The following FAM184A variants were observed in gnomAD, a reference collection of about 807,000 sequenced individuals.
FAM184A encodes protein FAM184A.
Under a neutral mutation model 143.8 loss-of-function variants are expected in FAM184A, and 99 were observed. That is an observed-to-expected ratio of 0.69 (90% CI 0.58 to 0.81). FAM184A has a LOEUF of 0.81. Among genes scored for constraint, FAM184A ranks in the 40% least tolerant of loss-of-function variants. The pLI is 0.00. For missense variants in FAM184A, 1,217 were observed against 1,310.5 expected, an observed-to-expected ratio of 0.93 and a Z score of 1.10; for synonymous variants, 427 against 446.4, an observed-to-expected ratio of 0.96 and a Z score of 0.55.
At chr6:119,144,973 C>T (rs915764956) in intron 1 of FAM184A, among the ~76,000 whole-genome samples, 32 of 152,304 alleles carry the variant, frequency 2.1e-4, no homozygotes, top group African/African-American at 6.3e-4. Flanking sequence ...AACATCATCG[C>T]GTTATGTGAT....
chr6:119,037,039 A>G (rs1308183361), intron 1 of FAM184A, among the ~76,000 whole-genome samples: 4 of 152,236 alleles, frequency 2.6e-5, no homozygotes, highest in Non-Finnish European at 5.9e-5. Context: ...GGACACTGAG[A>G]GAATGAGTGC....
upstream of FAM184A, among the ~76,000 whole-genome samples, chr6:119,083,585 G>C (rs928981871): frequency 3.9e-5 from 6 of 152,098 alleles, no homozygotes; most frequent in African/African-American, 1.4e-4. Flanking sequence ...TAAGTTCAAA[G>C]TTCCACAGAT....
At chr6:119,062,419 G>A (rs960900870) in intron 1 of FAM184A, among the ~76,000 whole-genome samples, 3 of 152,090 alleles carry the variant, frequency 2.0e-5, no homozygotes, top group South Asian at 2.1e-4. Context: ...ATCTCAGCAC[G>A]TTGGGAGTCC....
intron 4 of FAM184A, among the ~76,000 whole-genome samples, chr6:119,017,700 T>C (rs906526194): frequency 2.0e-5 from 3 of 152,194 alleles, no homozygotes; most frequent in Non-Finnish European, 4.4e-5. Context: ...AAAAGGGATG[T>C]TGACACAGGT....
At chr6:118,980,676 CAACT>C (rs1373442416) in intron 9 of FAM184A, among the ~76,000 whole-genome samples, 3 of 152,088 alleles carry the variant, frequency 2.0e-5, no homozygotes, top group Non-Finnish European at 4.4e-5. Context: ...AAACAGAAGA[CAACT>C]AACATATTCA....
intron 1 of FAM184A, among the ~76,000 whole-genome samples, chr6:119,027,389 G>C (rs1785671364): frequency 6.6e-6 from 1 of 152,010 alleles, no homozygotes; most frequent in African/African-American, 2.4e-5. Context: ...ATACTTTTTG[G>C]TTTACATAAG....
intron 1 of FAM184A, among the ~76,000 whole-genome samples, chr6:119,034,035 T>TAGAG (rs1454004344): frequency 8.8e-5 from 3 of 34,274 alleles, no homozygotes; most frequent in African/African-American, 3.3e-4. Flanking sequence ...TATATATATA[T>TAGAG]ATATATAGAG....
At chr6:119,056,105 T>C (rs1786963652) in intron 1 of FAM184A, among the ~76,000 whole-genome samples, 1 of 152,102 alleles carries the variant, frequency 6.6e-6, no homozygotes, top group Non-Finnish European at 1.5e-5. Flanking sequence ...AAAAATAAGG[T>C]CTACATTGAT....
Position 119,011,409 on chromosome 6 carries a change from T to C in FAM184A, c.1553A>G (p.Lys518Arg), listed in dbSNP as rs1562472302. The change falls in exon 6 of 18, where the codon AAA becomes AGA. Residue 518 changes from lysine (K) to arginine (R), a missense_variant. Lys to Arg is a conservative substitution (Grantham distance 26). Transcript: ENST00000338891. ...ATCCTCTTCCAGGTTTAGTTTATCT[T>C]TGTTATGTTGTTCTTCCAAATCCTT... The part of the protein sequence containing the change: ...LQMDLEEQHN[K>R]DKLNLEEDKN... The C allele has an allele frequency of 5.8e-6, 9 of 1,555,784 alleles. No individual in the cohort carries two copies. Among genetic ancestry groups the C allele is most frequent in the Middle Eastern group, 1.7e-4 (1 of 5,928 alleles).
At chr6:119,046,473 C>T (rs1786539229) in intron 1 of FAM184A, among the ~76,000 whole-genome samples, 1 of 151,988 alleles carries the variant, frequency 6.6e-6, no homozygotes, top group South Asian at 2.1e-4. Context: ...GATCCACCTG[C>T]CTCGGCCTGA....
chr6:118,963,183 C>T (rs1223397895), intron 16 of FAM184A: 2 of 152,020 alleles, frequency 1.3e-5, no homozygotes, highest in Non-Finnish European at 2.9e-5. Flanking sequence ...TTATTCTAGT[C>T]ACCAGAGGGC....
chr6:119,023,883 C>A, intron 2 of FAM184A, 76 bp downstream of exon 2: 2 of 1,276,880 alleles, frequency 1.6e-6, no homozygotes, highest in Non-Finnish European at 2.1e-6. Context: ...GTGGGCCAGA[C>A]TGCTCTCCAG....
intron 16 of FAM184A, among the ~76,000 whole-genome samples, chr6:118,964,154 A>G (rs1783421371): frequency 1.3e-5 from 2 of 152,162 alleles, no homozygotes; most frequent in Non-Finnish European, 2.9e-5. Flanking sequence ...GTGAGACCCC[A>G]TCTCCAAAAC....
chr6:119,025,993 A>G (rs975557891), intron 1 of FAM184A, among the ~76,000 whole-genome samples: 2 of 152,180 alleles, frequency 1.3e-5, no homozygotes, highest in Admixed American at 1.3e-4. Context: ...CCCACTCGCT[A>G]AAGATAGGCT....
At chr6:119,123,384 A>G (rs1789279833) in intron 1 of FAM184A, among the ~76,000 whole-genome samples, 1 of 152,068 alleles carries the variant, frequency 6.6e-6, no homozygotes, top group Non-Finnish European at 1.5e-5. Context: ...GTGAGACTCC[A>G]TCTCAAAAAT....
At chr6:119,120,261 A>G (rs1789176905) in intron 1 of FAM184A, among the ~76,000 whole-genome samples, 1 of 152,238 alleles carries the variant, frequency 6.6e-6, no homozygotes, top group Admixed American at 6.5e-5. Flanking sequence ...AAGTGACATC[A>G]TACAATATAT....
chr6:118,961,878 T>C lies in FAM184A; in HGVS notation c.3224A>G (p.Asn1075Ser), dbSNP rs770240059. ...LSALESGGVG[N>S]GHPNRLDPIP... Reference sequence around the variant, plus strand: ...GGGATCCAGGCGGTTAGGATGTCCATTGCCCACTCCACCAGATTCCAGAGC... The same window carrying C: ...GGGATCCAGGCGGTTAGGATGTCCACTGCCCACTCCACCAGATTCCAGAGC... Residue 1075 changes from asparagine (N) to serine (S), a missense_variant, in exon 17 of 18, where the codon AAT becomes AGT. Physicochemically the swap from Asn to Ser is conservative, Grantham distance 46. Transcript: ENST00000338891. The C allele has an allele frequency of 1.2e-6, 2 of 1,613,928 alleles. No homozygotes were observed. The highest frequency in any genetic ancestry group is 1.7e-4 in the Middle Eastern group (1 of 6,058).
chr6:119,015,924 T>G (rs992364393), intron 5 of FAM184A, among the ~76,000 whole-genome samples: 3 of 151,958 alleles, frequency 2.0e-5, no homozygotes, highest in Non-Finnish European at 4.4e-5. Flanking sequence ...TGGTGGGGCC[T>G]TGGAGAACCT....
At chr6:119,110,896 A>T (rs897488324) in intron 1 of FAM184A, among the ~76,000 whole-genome samples, 19 of 152,242 alleles carry the variant, frequency 1.2e-4, no homozygotes, top group African/African-American at 4.6e-4. Context: ...GTTTTGCCAG[A>T]CATTGGGTCT....
Sources: gnomAD v4.1 joint callset for allele counts (sites outside exome capture counted in the v4.1 genomes callset) on GRCh38, gnomAD v4.1.1 for gene constraint, MANE v1.5 for transcripts, NCBI Gene and HGNC (gene_info 2026-07-23, HGNC 2026-07-21) for gene names.